The following ZNF503 variants were observed in gnomAD, a reference collection of about 807,000 sequenced individuals.
The protein encoded by ZNF503 is zinc finger protein 503, also known as NocA-like zinc finger 2.
ZNF503 carries 15 observed loss-of-function variants against 34.4 expected under a neutral mutation model. That is an observed-to-expected ratio of 0.44 (90% CI 0.29 to 0.67). ZNF503 has a LOEUF of 0.67. ZNF503 is among the 30% of genes least tolerant of loss of function. ZNF503 has a pLI of 0.13. For synonymous variants in ZNF503, 580 were observed against 456.8 expected (o/e 1.27, Z -3.44); for missense variants, 1,007 against 926.8 (o/e 1.09, Z -1.12).
the ZNF503 span, among the ~76,000 whole-genome samples, chr10:75,313,298 CAACAAATCCAATA>C: frequency 3.3e-5 from 5 of 152,212 alleles, 1 homozygote; most frequent in South Asian, 8.3e-4. Context: ...CACCACTGAG[CAACAAATCCAATA>C]ATAGACTCAT....
chr10:75,285,024 A>G, the ZNF503 span, among the ~76,000 whole-genome samples: 1 of 152,242 alleles, frequency 6.6e-6, no homozygotes, highest in African/African-American at 2.4e-5. Context: ...CCAATGACCC[A>G]TTACTACTTA....
the ZNF503 span, among the ~76,000 whole-genome samples, chr10:75,326,178 A>G: frequency 5.1e-4 from 78 of 152,192 alleles, no homozygotes; most frequent in African/African-American, 1.9e-3. Flanking sequence ...ATTTTTTTGT[A>G]TATTTGCCCT....
At chr10:75,293,120 T>G in the ZNF503 span, among the ~76,000 whole-genome samples, 680 of 152,296 alleles carry the variant, frequency 4.5e-3, 5 homozygotes, top group African/African-American at 0.015. Flanking sequence ...TTCTTCCCCT[T>G]TAGCTGGCCT....
At chr10:75,320,081 T>G in the ZNF503 span, among the ~76,000 whole-genome samples, 1 of 152,208 alleles carries the variant, frequency 6.6e-6, no homozygotes, top group Non-Finnish European at 1.5e-5. Context: ...GTTCATTTCA[T>G]GAGGCTGGTA....
At chr10:75,363,679 G>A in the ZNF503 span, among the ~76,000 whole-genome samples, 1 of 152,224 alleles carries the variant, frequency 6.6e-6, no homozygotes, top group South Asian at 2.1e-4. Context: ...TGCACAACCT[G>A]CACAACCATC....
the ZNF503 span, among the ~76,000 whole-genome samples, chr10:75,333,134 G>C: frequency 7.1e-6 from 1 of 141,662 alleles, no homozygotes; most frequent in Non-Finnish European, 1.6e-5. Flanking sequence ...CCTGGACGGG[G>C]CGGCTGGCCG....
chr10:75,308,798 C>T, the ZNF503 span, among the ~76,000 whole-genome samples: 3 of 152,228 alleles, frequency 2.0e-5, no homozygotes, highest in Non-Finnish European at 4.4e-5. Flanking sequence ...TTGCTGCAAT[C>T]TCATCATAAA....
At chr10:75,359,095 A>G in the ZNF503 span, 1 of 152,134 alleles carries the variant, frequency 6.6e-6, no homozygotes, top group African/African-American at 2.4e-5. Flanking sequence ...TGCTCCACAT[A>G]CCCTAGCTCA....
chr10:75,298,277 A>C, the ZNF503 span, among the ~76,000 whole-genome samples: 1 of 152,240 alleles, frequency 6.6e-6, no homozygotes, highest in African/African-American at 2.4e-5. Flanking sequence ...AAGCTGTACA[A>C]ATATCACCCC....
the ZNF503 span, among the ~76,000 whole-genome samples, chr10:75,294,662 C>A: frequency 2.1e-5 from 3 of 141,064 alleles, no homozygotes; most frequent in East Asian, 2.1e-4. Flanking sequence ...AGGGCAGGGG[C>A]AGGGGACAGG....
At chr10:75,304,697 A>G in the ZNF503 span, among the ~76,000 whole-genome samples, 4 of 152,226 alleles carry the variant, frequency 2.6e-5, no homozygotes, top group Admixed American at 2.6e-4. Flanking sequence ...AACTAGATAA[A>G]TGTTTTAGAA....
Position 75,401,548 on chromosome 10 carries a change from C to G in ZNF503, c.-129G>C. The G allele has an allele frequency of 1.8e-6, 2 of 1,134,716 alleles. No homozygotes were observed. The highest frequency in any genetic ancestry group is 2.5e-6 in the Non-Finnish European group (2 of 812,946). 70.3% of individuals were successfully genotyped at this position (1,134,716 alleles called of 1,614,324 possible). On this transcript the variant is annotated 5_prime_UTR_variant, in exon 1 of 2. Transcript: ENST00000372524. ...GAGGAGCTGGCGCGGCGGCCACGGG[C>G]GCCCAGCGCGCCTTCTCGGCGCCTG...
chr10:75,381,805 C>CTTTTTTTGTTTTT, the ZNF503 span, among the ~76,000 whole-genome samples: 2 of 38,652 alleles, frequency 5.2e-5, no homozygotes, highest in African/African-American at 1.1e-4. Flanking sequence ...GAACCTAATT[C>CTTTTTTTGTTTTT]TTTTTTTTTT....
At chr10:75,349,838 G>A in the ZNF503 span, among the ~76,000 whole-genome samples, 2 of 152,202 alleles carry the variant, frequency 1.3e-5, no homozygotes, top group Non-Finnish European at 2.9e-5. Context: ...ATGAATGTTT[G>A]TTCTGTGGAC....
At chr10:75,305,910 G>A in the ZNF503 span, among the ~76,000 whole-genome samples, 52 of 152,132 alleles carry the variant, frequency 3.4e-4, no homozygotes, top group Middle Eastern at 3.2e-3. Flanking sequence ...TATACCACAT[G>A]TTGTTTGTTA....
the ZNF503 span, among the ~76,000 whole-genome samples, chr10:75,300,704 CTTTTTTTTTTT>C: frequency 9.2e-6 from 1 of 108,752 alleles, no homozygotes; most frequent in South Asian, 3.1e-4. Context: ...TTCTTTCTTT[CTTTTTTTTTTT>C]TTTTTTTTGA....
the ZNF503 span, among the ~76,000 whole-genome samples, chr10:75,281,049 AG>A: frequency 5.9e-5 from 9 of 152,146 alleles, no homozygotes; most frequent in African/African-American, 2.2e-4. Flanking sequence ...CTGTGTGATA[AG>A]GTGACCATGT....
the ZNF503 span, among the ~76,000 whole-genome samples, chr10:75,377,143 A>G: frequency 6.6e-6 from 1 of 152,222 alleles, no homozygotes; most frequent in Non-Finnish European, 1.5e-5. Context: ...ACAAGCCCTC[A>G]GGACGTTGTG....
chr10:75,395,069 T>A (rs1004517661), downstream of ZNF503, among the ~76,000 whole-genome samples: 1 of 152,114 alleles, frequency 6.6e-6, no homozygotes, highest in Non-Finnish European at 1.5e-5. The surrounding 1 kb of genome is among the most constrained non-coding windows in gnomAD (Gnocchi z 4.4). Flanking sequence ...GACGAGTAAA[T>A]GGGATGAGCA....
Sources: gnomAD v4.1 joint callset for allele counts (sites outside exome capture counted in the v4.1 genomes callset) on GRCh38, gnomAD v4.1.1 for gene constraint, Gnocchi (gnomAD v3.1) non-coding constraint, MANE v1.5 for transcripts, NCBI Gene and HGNC (gene_info 2026-07-23, HGNC 2026-07-21) for gene names.